Variants in TRMT11 observed in about 807,000 individuals in gnomAD.
TRMT11 encodes the protein tRNA methyltransferase 11, also known as tRNA (guanine(10)-N(2))-methyltransferase TRMT11.
Under a neutral mutation model 62.8 loss-of-function variants are expected in TRMT11, and 53 were observed. That is an observed-to-expected ratio of 0.84 (90% CI 0.68 to 1.06). The LOEUF (loss-of-function observed/expected upper bound fraction) is 1.06, where lower values mean the gene tolerates loss of function less well. Among genes scored for constraint, TRMT11 ranks in the 50% least tolerant of loss-of-function variants. The pLI is 0.00. For synonymous variants in TRMT11, 188 were observed against 190.3 expected (o/e 0.99, Z 0.10); for missense variants, 556 against 553.4 (o/e 1.00, Z -0.05).
At chr6:126,163,166 GC>G (rs763668491) in intron 21 of TRMT11, among the ~76,000 whole-genome samples, 3 of 152,106 alleles carry the variant, frequency 2.0e-5, no homozygotes, top group Non-Finnish European at 4.4e-5. Context: ...TCCAGTTTTT[GC>G]CCATTCAGTA....
At chr6:126,134,189 A>G (rs997538674) in intron 21 of TRMT11, among the ~76,000 whole-genome samples, 4 of 151,958 alleles carry the variant, frequency 2.6e-5, no homozygotes, top group Admixed American at 1.3e-4. Context: ...TAAATTAGTC[A>G]CTTAAAAGAC....
upstream of TRMT11, among the ~76,000 whole-genome samples, chr6:126,175,200 T>C (rs1270110874): frequency 6.6e-6 from 1 of 152,204 alleles, no homozygotes; most frequent in Non-Finnish European, 1.5e-5. Flanking sequence ...TTGTCAATAA[T>C]AGTTGGAGGG....
the TRMT11 span, among the ~76,000 whole-genome samples, chr6:126,214,699 T>A: frequency 6.6e-6 from 1 of 152,020 alleles, no homozygotes; most frequent in Non-Finnish European, 1.5e-5. Flanking sequence ...TTCTTTGATC[T>A]TTCATATTGT....
the TRMT11 span, among the ~76,000 whole-genome samples, chr6:126,271,602 A>G: frequency 6.6e-6 from 1 of 152,084 alleles, no homozygotes. Context: ...AAAATATGCC[A>G]TATTTACATC....
chr6:126,222,942 T>C, the TRMT11 span, among the ~76,000 whole-genome samples: 1 of 151,436 alleles, frequency 6.6e-6, no homozygotes, highest in African/African-American at 2.4e-5. Flanking sequence ...CTTAAATGTG[T>C]TTTTGTGGTC....
chr6:126,096,614 A>G (rs906415938), intron 17 of TRMT11, among the ~76,000 whole-genome samples: 2 of 151,950 alleles, frequency 1.3e-5, no homozygotes, highest in Non-Finnish European at 2.9e-5. Flanking sequence ...GCATTAGGGC[A>G]CTGGTACTGA....
chr6:126,201,661 C>G lies in TRMT11; in HGVS notation n.372-367C>G, dbSNP rs572414591. Among the ~76,000 whole-genome samples, 8 of 152,304 alleles carry G rather than the reference C, an allele frequency of 5.3e-5. 1 individual carries two copies. The highest frequency in any genetic ancestry group is 2.0e-4 in the Admixed American group (3 of 15,296). On this transcript the variant is annotated intron_variant and non_coding_transcript_variant, in intron 3 of 3. Coordinates refer to the TRMT11 transcript ENST00000444229. ...GACATTGATGGTTTATATCTTGGTT[C>G]TGCTCTTCTTATTCCTTTTTTTCTT...
chr6:126,092,473 G>A (rs867991759), intron 17 of TRMT11, among the ~76,000 whole-genome samples: 1 of 152,138 alleles, frequency 6.6e-6, no homozygotes, highest in South Asian at 2.1e-4. Context: ...CAGTATGGGG[G>A]AAACCGCCCC....
At chr6:126,198,105 C>G (rs1583907167) in intron 1 of TRMT11, among the ~76,000 whole-genome samples, 1 of 152,162 alleles carries the variant, frequency 6.6e-6, no homozygotes, top group East Asian at 1.9e-4. Context: ...TTACATTCTA[C>G]TCTTAACCTT....
chr6:126,125,439 T>C lies in TRMT11; in HGVS notation c.*1823+9584T>C, dbSNP rs570300233. On this transcript the variant is annotated intron_variant and NMD_transcript_variant, in intron 21 of 22. Transcript: ENST00000648977. The stretch of plus-strand genomic sequence containing the variant: ...TACTTCAGGGTGTTAAATGGCATGA[T>C]TATAAACATCTCTCTGAATAATTTA... 3.3e-5 allele frequency among the ~76,000 whole-genome samples: 5 copies of C among 152,222 alleles called. No individual in the cohort carries two copies. In the East Asian group the frequency reaches 9.7e-4, roughly 29 times the overall value.
chr6:126,145,687 T>C (rs1037135622), intron 21 of TRMT11, among the ~76,000 whole-genome samples: 1 of 152,194 alleles, frequency 6.6e-6, no homozygotes, highest in Admixed American at 6.5e-5. Context: ...TTCAGGGTTC[T>C]TCAACAGCCT....
chr6:126,062,651 A>G (rs572516671), intron 17 of TRMT11, among the ~76,000 whole-genome samples: 5 of 152,220 alleles, frequency 3.3e-5, no homozygotes, highest in South Asian at 2.1e-4. Context: ...GAAAATAGCA[A>G]TGTTAATACA....
chr6:126,005,482 TC>T (rs1793217180), intron 7 of TRMT11, among the ~76,000 whole-genome samples: 1 of 152,038 alleles, frequency 6.6e-6, no homozygotes, highest in Non-Finnish European at 1.5e-5. Flanking sequence ...ATATCATATT[TC>T]TAGGAAGTTG....
chr6:126,266,537 C>A, the TRMT11 span, among the ~76,000 whole-genome samples: 1 of 152,076 alleles, frequency 6.6e-6, no homozygotes, highest in Non-Finnish European at 1.5e-5. Flanking sequence ...TTTAGTTCTT[C>A]TTTTAGGTGT....
downstream of TRMT11, among the ~76,000 whole-genome samples, chr6:126,206,745 T>A (rs1778795320): frequency 6.6e-6 from 1 of 152,186 alleles, no homozygotes; most frequent in African/African-American, 2.4e-5. Flanking sequence ...TATCTTCTGG[T>A]TACTTTGTCA....
chr6:126,182,580 C>G (rs1778479791), intron 1 of TRMT11, among the ~76,000 whole-genome samples: 3 of 151,892 alleles, frequency 2.0e-5, no homozygotes, highest in Admixed American at 2.0e-4. Flanking sequence ...ACCCCTGACT[C>G]CCCCAACCCC....
At chr6:126,105,672 T>G (rs1184035124) in intron 17 of TRMT11, among the ~76,000 whole-genome samples, 2 of 152,086 alleles carry the variant, frequency 1.3e-5, no homozygotes, top group Admixed American at 1.3e-4. Flanking sequence ...TTTTAAAGGG[T>G]AATTATGAAA....
the TRMT11 span, among the ~76,000 whole-genome samples, chr6:126,232,158 G>C: frequency 6.6e-6 from 1 of 152,084 alleles, no homozygotes; most frequent in South Asian, 2.1e-4. Flanking sequence ...TTGTGTGTGT[G>C]TGTGTGTGTA....
the TRMT11 span, among the ~76,000 whole-genome samples, chr6:126,261,184 A>T: frequency 0.25 from 38,386 of 151,960 alleles, 5,541 homozygotes; most frequent in East Asian, 0.53. Context: ...TCAGAAATTC[A>T]TTATTCTGTT....
Sources: gnomAD v4.1 joint callset for allele counts (sites outside exome capture counted in the v4.1 genomes callset) on GRCh38, gnomAD v4.1.1 for gene constraint, MANE v1.5 for transcripts, NCBI Gene and HGNC (gene_info 2026-07-23, HGNC 2026-07-21) for gene names.